The following CLIP4 variants were observed in gnomAD, a reference collection of about 807,000 sequenced individuals.
CLIP4 encodes CAP-Gly domain-containing linker protein 4.
CLIP4 carries 47 observed loss-of-function variants against 73.1 expected under a neutral mutation model. That is an observed-to-expected ratio of 0.64 (90% CI 0.51 to 0.82). The LOEUF (loss-of-function observed/expected upper bound fraction) is 0.82. Ranked by LOEUF, CLIP4 falls within the 40% of genes least tolerant of loss-of-function variation. CLIP4 has a pLI of 0.00. For missense variants in CLIP4, 874 were observed against 852.9 expected, an observed-to-expected ratio of 1.02 and a Z score of -0.31; for synonymous variants, 306 against 295.4, an observed-to-expected ratio of 1.04 and a Z score of -0.37.
At chr2:29,118,058 ATACT>A (rs1558512923) in intron 1 of CLIP4, 2 of 152,246 alleles carry the variant, frequency 1.3e-5, no homozygotes, top group African/African-American at 4.8e-5. Flanking sequence ...TATGCTTTAA[ATACT>A]TACGTGGTGA....
rs985558973 is a variant in CLIP4, at chr2:29,183,687, A to G, written c.*1794A>G. On this transcript the variant is annotated 3_prime_UTR_variant, in exon 16 of 16. Transcript: ENST00000320081. Reference sequence around the variant, plus strand: ...ATGAGGATGATTGAGTCCATATACTATGTATGTTTACATATACTATACATG... The same window carrying G: ...ATGAGGATGATTGAGTCCATATACTGTGTATGTTTACATATACTATACATG... 1.3e-5 allele frequency: 2 copies of G among 152,582 alleles called. No homozygotes were observed. The highest frequency in any genetic ancestry group is 2.4e-5 in the African/African-American group (1 of 41,454). The allele number at this position is 152,582 out of a possible 1,614,324, so 9.5% of individuals were successfully genotyped here.
rs1460933189 is a variant in CLIP4, at chr2:29,182,859, T to TA, written c.*972dup. On this transcript the variant is annotated 3_prime_UTR_variant, in exon 16 of 16. Coordinates refer to ENST00000320081, the MANE Select transcript of CLIP4 (RefSeq NM_024692.6). ...TCCTCCTGGGATATGAGAAACATTT[T>TA]AAAAAACGTATTTAACAGAAGAGAG... 6.6e-6 allele frequency: 1 copy of TA among 152,668 alleles called. No individual in the cohort carries two copies. Among genetic ancestry groups the TA allele is most frequent in the Admixed American group, 6.5e-5 (1 of 15,280 alleles). The allele number at this position is 152,668 out of a possible 1,614,324, so 9.5% of individuals were successfully genotyped here.
intron 14 of CLIP4, among the ~76,000 whole-genome samples, chr2:29,173,620 T>G (rs1668151283): frequency 6.6e-6 from 1 of 152,244 alleles, no homozygotes; most frequent in African/African-American, 2.4e-5. Flanking sequence ...GCCTTTTGTG[T>G]CAGCTCGATA....
intron 1 of CLIP4, among the ~76,000 whole-genome samples, chr2:29,119,033 C>G (rs1383275388): frequency 1.3e-5 from 2 of 152,112 alleles, no homozygotes; most frequent in Non-Finnish European, 2.9e-5. Context: ...TATAGGGGTA[C>G]ATAGTTTCCT....
In CLIP4 at chr2:29,121,396, T is replaced by A; in HGVS notation, c.8T>A (p.Ile3Lys). Residue 3 changes from isoleucine to lysine, a missense_variant, in exon 2 of 16, where the codon ATA (isoleucine) becomes AAA (lysine). By Grantham distance (102) the Ile-to-Lys change is moderately radical. Coordinates refer to ENST00000320081, the MANE Select transcript of CLIP4 (RefSeq NM_024692.6). ...TAGGTGGCTTTCTAGAAGATGACCA[T>A]AGAGGACCTTCCAGATTTTCCATTA... Reference protein sequence around the residue: MTIEDLPDFPLEG... With the variant: MTKEDLPDFPLEG... 6.2e-7 allele frequency: 1 copy of A among 1,613,160 alleles called. No individual in the cohort carries two copies. The highest frequency in any genetic ancestry group is 8.5e-7 in the Non-Finnish European group (1 of 1,179,688).
At chr2:29,143,454 T>C (rs1665922727) in intron 6 of CLIP4, among the ~76,000 whole-genome samples, 2 of 151,750 alleles carry the variant, frequency 1.3e-5, no homozygotes, top group African/African-American at 4.8e-5. Flanking sequence ...CCACATATAA[T>C]TTACTTGTTT....
At chr2:29,130,643 G>A in intron 2 of CLIP4, 1 of 1,126,408 alleles carries the variant, frequency 8.9e-7, no homozygotes, top group Non-Finnish European at 1.1e-6. Context: ...TGTTGTCTAA[G>A]CTTACGAATG....
At chr2:29,111,422 C>T (rs374012862), upstream of CLIP4, among the ~76,000 whole-genome samples, 10 of 152,310 alleles carry the variant, frequency 6.6e-5, no homozygotes, top group East Asian at 9.6e-4. Context: ...AAACACTGTA[C>T]GTTAGGACTT....
Position 29,182,367 on chromosome 2 carries a change from G to C in CLIP4, c.*474G>C, listed in dbSNP as rs1262697992. 1.3e-5 allele frequency: 2 copies of C among 152,902 alleles called. No homozygotes were observed. The highest frequency in any genetic ancestry group is 2.9e-5 in the Non-Finnish European group (2 of 68,290). 9.5% of individuals were successfully genotyped at this position (152,902 alleles called of 1,614,324 possible). A position where few individuals can be genotyped will look rare whatever the true frequency, so the allele number is the denominator to read the frequency against. ...TAATAAGTCCAATGAGTGAGTAGTA[G>C]CTAGATGACTAGTATGTAGTTTTAT... On this transcript the variant is annotated 3_prime_UTR_variant, in exon 16 of 16. Transcript: ENST00000320081.
At chr2:29,155,142 TAAGGGTGTAGCTGGGC>T (rs1464332451) in intron 9 of CLIP4, among the ~76,000 whole-genome samples, 1 of 151,926 alleles carries the variant, frequency 6.6e-6, no homozygotes, top group Admixed American at 6.6e-5. Context: ...CTCCAAGAAT[TAAGGGTGTAGCTGGGC>T]ATTGTGGTGC....
At chr2:29,111,389 G>A (rs1024953277), upstream of CLIP4, among the ~76,000 whole-genome samples, 1 of 152,226 alleles carries the variant, frequency 6.6e-6, no homozygotes. Flanking sequence ...AGTGCTCAGA[G>A]TATTTGCACC....
At chr2:29,171,559 C>T (rs1367491333) in intron 14 of CLIP4, among the ~76,000 whole-genome samples, 1 of 150,086 alleles carries the variant, frequency 6.7e-6, no homozygotes, top group Non-Finnish European at 1.5e-5. Context: ...TGCTCTGTCG[C>T]CCAGGCTGGA....
At chr2:29,181,110 A>G (rs1558593583) in intron 15 of CLIP4, among the ~76,000 whole-genome samples, 1 of 152,152 alleles carries the variant, frequency 6.6e-6, no homozygotes, top group African/African-American at 2.4e-5. Flanking sequence ...CTTACCTATA[A>G]CATAAACAGC....
intron 11 of CLIP4, among the ~76,000 whole-genome samples, chr2:29,158,260 C>T (rs1393862379): frequency 3.3e-5 from 5 of 152,196 alleles, no homozygotes; most frequent in Admixed American, 1.3e-4. Context: ...AGTGCTGACA[C>T]AGCCATCCTG....
chr2:29,143,412 T>TTTC (rs58842734), intron 6 of CLIP4, among the ~76,000 whole-genome samples: 25,479 of 145,452 alleles, frequency 0.18, 3,740 homozygotes, highest in African/African-American at 0.4. Context: ...TTTTTTTTTT[T>TTTC]CCCTCCAGGC....
intron 8 of CLIP4, among the ~76,000 whole-genome samples, chr2:29,146,131 G>C (rs1666148908): frequency 6.6e-6 from 1 of 152,220 alleles, no homozygotes; most frequent in Admixed American, 6.5e-5. Context: ...TTAGTGGGGA[G>C]ACAGTGATGA....
chr2:29,163,859 A>C lies in CLIP4; in HGVS notation c.1563A>C (p.Lys521Asn), dbSNP rs1483191650. The C allele has an allele frequency of 6.2e-7, 1 of 1,613,106 alleles. No homozygotes were observed. The highest frequency in any genetic ancestry group is 2.2e-5 in the East Asian group (1 of 44,832). The change falls in exon 13 of 16, where the codon AAA becomes AAC. Residue 521 changes from lysine to asparagine, a missense_variant. Lys to Asn is a moderately conservative substitution (Grantham distance 94). Transcript: ENST00000320081. ...ATTGGTATGGTATAGAGCTTGAAAA[A>C]CCCCATGGCAAGAATGATGGTTCAG... ...PGYWYGIELE[K>N]PHGKNDGSVG...
chr2:29,158,792 A>G (rs1224702489), intron 11 of CLIP4, among the ~76,000 whole-genome samples: 1 of 152,230 alleles, frequency 6.6e-6, no homozygotes, highest in African/African-American at 2.4e-5. Context: ...TTTATTAAAG[A>G]CAAGGTCTTG....
chr2:29,171,670 C>G (rs112706936), intron 14 of CLIP4, among the ~76,000 whole-genome samples: 1 of 152,200 alleles, frequency 6.6e-6, no homozygotes, highest in African/African-American at 2.4e-5. Context: ...AGGCACCCAC[C>G]ACCACGCCCG....
Sources: allele counts gnomAD v4.1 joint callset (sites outside exome capture counted in the v4.1 genomes callset), GRCh38; gene constraint gnomAD v4.1.1; transcripts MANE v1.5; gene names NCBI Gene and HGNC (gene_info 2026-07-23, HGNC 2026-07-21).